The following GSG1L variants were observed in gnomAD, a reference collection of about 807,000 sequenced individuals.
GSG1L encodes germ cell-specific gene 1-like protein.
A neutral mutation model predicts 42.1 loss-of-function variants in GSG1L; 24 were observed. The ratio of observed to expected loss-of-function variants is 0.57; its 90% CI spans 0.41 to 0.80. The LOEUF (loss-of-function observed/expected upper bound fraction) is 0.80. Ranked by LOEUF, GSG1L falls within the 30% of genes least tolerant of loss-of-function variation. The probability of loss-of-function intolerance (pLI) is 0.00; values close to 1 mark genes in which losing one functional copy is unlikely to be tolerated. For synonymous variants in GSG1L, 215 were observed against 203.5 expected (o/e 1.06, Z -0.48); for missense variants, 445 against 472.2 (o/e 0.94, Z 0.53).
At chr16:27,843,504 T>TTAAAAAAAAAAAAAA (rs1357286018) in intron 4 of GSG1L, among the ~76,000 whole-genome samples, 11 of 75,934 alleles carry the variant, frequency 1.4e-4, no homozygotes, top group African/African-American at 4.9e-4. Context: ...AGAGACTCTG[T>TTAAAAAAAAAAAAAA]AAAAAAAAAA....
intron 1 of GSG1L, among the ~76,000 whole-genome samples, chr16:28,057,605 A>C (rs1308895692): frequency 6.6e-6 from 1 of 152,230 alleles, no homozygotes; most frequent in Non-Finnish European, 1.5e-5. Flanking sequence ...CTGCAGGGCC[A>C]AACAAAACAG....
At chr16:27,906,817 G>A (rs2084325936) in intron 2 of GSG1L, among the ~76,000 whole-genome samples, 1 of 152,048 alleles carries the variant, frequency 6.6e-6, no homozygotes, top group African/African-American at 2.4e-5. Flanking sequence ...CTGTGAAACG[G>A]GCAGTCAGAC....
At chr16:27,824,004 C>G in intron 5 of GSG1L, 2 of 694,078 alleles carry the variant, frequency 2.9e-6, no homozygotes, top group Non-Finnish European at 5.3e-6. Flanking sequence ...AGAGGAGAGC[C>G]TTATACAGGG....
intron 3 of GSG1L, among the ~76,000 whole-genome samples, chr16:27,879,547 C>T (rs966598447): frequency 1.3e-5 from 2 of 152,108 alleles, no homozygotes; most frequent in South Asian, 2.1e-4. Context: ...CCCAGAAGGT[C>T]GACACTGCAG....
At chr16:27,972,531 A>T (rs1016974) in intron 1 of GSG1L, among the ~76,000 whole-genome samples, 28,401 of 152,204 alleles carry the variant, frequency 0.19, 3,268 homozygotes, top group Non-Finnish European at 0.26. Flanking sequence ...TAAGGGATTT[A>T]TTTTGGGCAT....
At chr16:28,049,510 A>G (rs891128642) in intron 1 of GSG1L, among the ~76,000 whole-genome samples, 10 of 147,822 alleles carry the variant, frequency 6.8e-5, no homozygotes, top group Admixed American at 3.4e-4. Context: ...GCAAGACCCC[A>G]CCTCTAAAAA....
chr16:27,850,149 C>T (rs1053472445), intron 3 of GSG1L, among the ~76,000 whole-genome samples: 1 of 148,398 alleles, frequency 6.7e-6, no homozygotes, highest in Admixed American at 6.9e-5. Context: ...CTGCCTCAGC[C>T]TCCTGAGTAG....
chr16:27,823,563 A>G (rs11646201), intron 5 of GSG1L, among the ~76,000 whole-genome samples: 15,267 of 152,056 alleles, frequency 0.1, 898 homozygotes, highest in African/African-American at 0.16. Flanking sequence ...AGCAGGAAAG[A>G]CTCGGATGAA....
chr16:27,991,231 T>C (rs1053947700), intron 1 of GSG1L, among the ~76,000 whole-genome samples: 1 of 152,184 alleles, frequency 6.6e-6, no homozygotes, highest in Non-Finnish European at 1.5e-5. Flanking sequence ...AATGCTGAAT[T>C]ATTTCCTGGC....
chr16:28,028,333 C>T (rs1009917458), intron 1 of GSG1L, among the ~76,000 whole-genome samples: 11 of 151,998 alleles, frequency 7.2e-5, no homozygotes, highest in Admixed American at 2.6e-4. Context: ...ATTTTCATCC[C>T]GATCTTGAAG....
intron 1 of GSG1L, among the ~76,000 whole-genome samples, chr16:28,028,104 A>C (rs1483476381): frequency 6.6e-6 from 1 of 152,160 alleles, no homozygotes; most frequent in Admixed American, 6.5e-5. Context: ...TAAGCCTATC[A>C]CAAGCCCAAG....
At chr16:27,896,518 A>G (rs1168591015) in intron 2 of GSG1L, among the ~76,000 whole-genome samples, 2 of 152,240 alleles carry the variant, frequency 1.3e-5, no homozygotes, top group African/African-American at 4.8e-5. Flanking sequence ...ACGTTTACCT[A>G]TGTAACAAAC....
chr16:27,828,457 G>T (rs1293850320), intron 5 of GSG1L, among the ~76,000 whole-genome samples: 1 of 152,204 alleles, frequency 6.6e-6, no homozygotes, highest in Non-Finnish European at 1.5e-5. Flanking sequence ...CAGAGCCCAA[G>T]AAGGAAACCT....
intron 1 of GSG1L, among the ~76,000 whole-genome samples, chr16:28,050,157 A>T (rs780105869): frequency 6.6e-6 from 1 of 151,706 alleles, no homozygotes; most frequent in Non-Finnish European, 1.5e-5. Context: ...CTTCCAAATG[A>T]CCTCTTATTA....
chr16:27,876,528 C>G (rs1045372858), intron 3 of GSG1L, among the ~76,000 whole-genome samples: 2 of 152,216 alleles, frequency 1.3e-5, no homozygotes, highest in African/African-American at 4.8e-5. Context: ...CAGATGAGAT[C>G]GTAAGGCAAA....
chr16:27,935,333 G>GT (rs2084702966), intron 2 of GSG1L, among the ~76,000 whole-genome samples: 1 of 152,064 alleles, frequency 6.6e-6, no homozygotes, highest in South Asian at 2.1e-4. Flanking sequence ...GGAATGGGGG[G>GT]CTTCAGAGTC....
chr16:28,007,496 T>C (rs185013762), intron 1 of GSG1L, among the ~76,000 whole-genome samples: 177 of 89,988 alleles, frequency 2.0e-3, no homozygotes, highest in Non-Finnish European at 3.3e-3. Flanking sequence ...GGTTGGTTGG[T>C]TGGTTGGTTG....
intron 4 of GSG1L, among the ~76,000 whole-genome samples, chr16:27,831,746 C>T (rs1160701156): frequency 1.3e-5 from 2 of 152,196 alleles, no homozygotes; most frequent in Non-Finnish European, 2.9e-5. Context: ...AGAAGAAAAG[C>T]CTACATCCCC....
chr16:27,823,766 C>T (rs2083175083), intron 5 of GSG1L: 1 of 681,046 alleles, frequency 1.5e-6, no homozygotes, highest in Admixed American at 2.0e-5. Context: ...GGTCCTAGCT[C>T]AATACCCAGC....
Sources: gnomAD v4.1 joint callset for allele counts (sites outside exome capture counted in the v4.1 genomes callset) on GRCh38, gnomAD v4.1.1 for gene constraint, MANE v1.5 for transcripts, NCBI Gene and HGNC (gene_info 2026-07-23, HGNC 2026-07-21) for gene names.